Variants in FBN3 observed in about 807,000 individuals in gnomAD.
FBN3 encodes the protein fibrillin 3.
FBN3 carries 234 observed loss-of-function variants against 330.1 expected under a neutral mutation model. The ratio of observed to expected loss-of-function variants is 0.71; its 90% CI spans 0.64 to 0.79. The LOEUF (loss-of-function observed/expected upper bound fraction) is 0.79. Ranked by LOEUF, FBN3 falls within the 30% of genes least tolerant of loss-of-function variation. The pLI is 0.00. For synonymous variants in FBN3, 1,458 were observed against 1,517.3 expected, an observed-to-expected ratio of 0.96 and a Z score of 0.91; for missense variants, 3,606 against 3,886.9, an observed-to-expected ratio of 0.93 and a Z score of 1.92.
chr19:8,082,651 G>A lies in FBN3; in HGVS notation c.7213+596C>T, dbSNP rs149322751. Among the ~76,000 whole-genome samples, 548 of 152,004 alleles carry A rather than the reference G, an allele frequency of 3.6e-3. 4 individuals carry two copies. Among genetic ancestry groups the A allele is most frequent in the African/African-American group, 0.012 (512 of 41,460 alleles). On this transcript the variant is annotated intron_variant, in intron 57 of 63. Transcript: ENST00000600128. ...TGGGATTATAGGCATGCACCAGCAC[G>A]TGCAGCTAATTTTCGTATTTTTAGC...
In FBN3 at chr19:8,087,905, C is replaced by T. The variant is rs745383905; in HGVS notation, c.6539G>A (p.Arg2180His). Residue 2180 changes from arginine to histidine, a missense_variant, in exon 53 of 64, where the codon CGC becomes CAC. Physicochemically the swap from Arg to His is conservative, Grantham distance 29 (BLOSUM62 0). Coordinates refer to ENST00000600128, the MANE Select transcript of FBN3 (RefSeq NM_032447.5). The stretch of plus-strand genomic sequence containing the variant: ...GTAGGAGCCCTCGGTATTGTGGCAG[C>T]GGAAGGCACAGAGCAGCGGGTTCAG... ...CSLNPLLCAF[R>H]CHNTEGSYLC... is the part of the protein sequence containing the mutation. 1.2e-5 allele frequency: 19 copies of T among 1,613,956 alleles called. No individual in the cohort carries two copies. Among genetic ancestry groups the T allele is most frequent in the African/African-American group, 2.7e-5 (2 of 74,886 alleles).
rs112401378 is a variant in FBN3, at chr19:8,131,499, C to T, written c.1990+55G>A. 853 of 1,555,796 alleles carry T rather than the reference C, an allele frequency of 5.5e-4. 7 individuals are homozygous for T. In the South Asian group the frequency reaches 9.8e-3, roughly 18 times the overall value. On this transcript the variant is annotated intron_variant, in intron 15 of 63. Transcript: ENST00000600128. This position sits in a 1 kb window ranked among gnomAD's most constrained non-coding sequence, Gnocchi z 4.5. ...ATGACCCCCCACCAGAAGCGAGAAC[C>T]GATGGAGGCATTCAGACCAAGGAGG...
rs200438933 is a variant in FBN3, at chr19:8,143,993, AG to A, written c.541+883del. 7.0e-3 allele frequency among the ~76,000 whole-genome samples: 1,060 copies of A among 151,268 alleles called. 8 individuals are homozygous for A. Among genetic ancestry groups the A allele is most frequent in the African/African-American group, 0.025 (1,011 of 41,082 alleles). On this transcript the variant is annotated intron_variant, in intron 6 of 63. Transcript: ENST00000600128. ...GGCTAATTTTTTACTTTTTTTAGAGAGGGGGGGTGTCTCACTATGCTACCCA... is the reference window on the plus strand; with the variant it reads ...GGCTAATTTTTTACTTTTTTTAGAGAGGGGGGTGTCTCACTATGCTACCCA...
At chr19:8,134,673 C>T (rs1004387061) in intron 13 of FBN3, among the ~76,000 whole-genome samples, 1 of 152,152 alleles carries the variant, frequency 6.6e-6, no homozygotes, top group Non-Finnish European at 1.5e-5. Flanking sequence ...ATGGCTCACG[C>T]CTGTAATCTC....
intron 6 of FBN3, among the ~76,000 whole-genome samples, chr19:8,144,349 A>G (rs898456192): frequency 7.2e-5 from 11 of 151,982 alleles, no homozygotes; most frequent in African/African-American, 2.7e-4. Flanking sequence ...GTGAGCCGAG[A>G]TCATATCACT....
chr19:8,114,845 C>G (rs2082672105), intron 30 of FBN3, among the ~76,000 whole-genome samples: 1 of 151,750 alleles, frequency 6.6e-6, no homozygotes, highest in African/African-American at 2.4e-5. Flanking sequence ...GGGTTCACGC[C>G]ATTCTCCTGC....
At chr19:8,116,548 AC>A in intron 29 of FBN3, 125 bp downstream of exon 29, 1 of 993,174 alleles carries the variant, frequency 1.0e-6, no homozygotes, top group Non-Finnish European at 1.5e-6. Context: ...TCATCTTCCT[AC>A]CTGCGAATGG....
At position 8,121,156 on chromosome 19, in the gene FBN3, C is replaced by T. The variant is rs554687086; in HGVS notation, c.3211+102G>A. On this transcript the variant is annotated intron_variant, in intron 25 of 63. Transcript: ENST00000600128. The surrounding 1 kb of genome is among the most constrained non-coding windows in gnomAD (Gnocchi z 4.5). The stretch of plus-strand genomic sequence containing the variant: ...TACAGCTCCTCCCTCCTCCTGCCCC[C>T]TCCATCCACGTCCACACAGCAACAG... The T allele has an allele frequency of 2.6e-6, 3 of 1,166,950 alleles. No homozygotes were observed. Among genetic ancestry groups the T allele is most frequent in the African/African-American group, 3.1e-5 (2 of 64,560 alleles). The allele number at this position is 1,166,950 out of a possible 1,614,324, so 72.3% of individuals were successfully genotyped here.
intron 13 of FBN3, among the ~76,000 whole-genome samples, chr19:8,135,124 A>G (rs1426998687): frequency 1.4e-5 from 2 of 147,388 alleles, no homozygotes; most frequent in Non-Finnish European, 3.0e-5. Context: ...GACTACAGGC[A>G]CCTGCCACCA....
At chr19:8,092,154 G>A (rs2082110704) in intron 47 of FBN3, among the ~76,000 whole-genome samples, 1 of 151,010 alleles carries the variant, frequency 6.6e-6, no homozygotes, top group South Asian at 2.1e-4. Flanking sequence ...CTTGAGCCTG[G>A]GTGACAGAGC....
intron 57 of FBN3, among the ~76,000 whole-genome samples, chr19:8,082,308 C>CCT (rs145765478): frequency 1.3e-5 from 2 of 150,266 alleles, no homozygotes; most frequent in Admixed American, 6.6e-5. Flanking sequence ...TCTCTTTCTC[C>CCT]CTTTCTCTTT....
intron 8 of FBN3, among the ~76,000 whole-genome samples, chr19:8,139,452 C>T (rs971334443): frequency 5.9e-5 from 9 of 152,128 alleles, no homozygotes; most frequent in African/African-American, 2.2e-4. Flanking sequence ...AGGTAGTGAG[C>T]TCCCCGTCGC....
Position 8,081,380 on chromosome 19 carries a change from C to T in FBN3, c.7314G>A (p.Glu2438=). ...CACCTTTGCAGGTCCTGCCATCCTC[C>T]TCCAGCAGGTAGCCTCGGGGACAGC... is the stretch of plus-strand genomic sequence containing the variant. ...LCSCPRGYLL[E]EDGRTCKDLD... Residue 2438 remains glutamate, a synonymous_variant, in exon 58 of 64, where the codon GAG becomes GAA. Transcript: ENST00000600128. 2.5e-6 allele frequency: 4 copies of T among 1,609,192 alleles called. No homozygotes were observed. The highest frequency in any genetic ancestry group is 3.4e-6 in the Non-Finnish European group (4 of 1,177,598).
At chr19:8,118,786 C>T (rs1446379399) in intron 26 of FBN3, 111 bp downstream of exon 26, 4 of 1,367,180 alleles carry the variant, frequency 2.9e-6, no homozygotes, top group Non-Finnish European at 4.1e-6. Flanking sequence ...CTCAGAAAGA[C>T]AGATACACAT....
At chr19:8,105,258 T>C (rs1753873786) in intron 38 of FBN3, among the ~76,000 whole-genome samples, 1 of 151,314 alleles carries the variant, frequency 6.6e-6, no homozygotes, top group Admixed American at 6.6e-5. Flanking sequence ...CAGTCTTTTT[T>C]TTCTTTTTTT....
At chr19:8,133,530 A>G (rs1397584491) in intron 13 of FBN3, among the ~76,000 whole-genome samples, 2 of 151,868 alleles carry the variant, frequency 1.3e-5, no homozygotes, top group African/African-American at 4.8e-5. Context: ...AGCTCCCTGC[A>G]ACCTCCGCCT....
At chr19:8,090,048 G>C (rs932535104) in intron 49 of FBN3, 51 bp downstream of exon 49, 2 of 1,603,656 alleles carry the variant, frequency 1.2e-6, no homozygotes, top group Non-Finnish European at 8.5e-7. Flanking sequence ...GAATGAGAGA[G>C]GAAGGTGAGG....
intron 23 of FBN3, 22 bp from the exon 24 acceptor site, chr19:8,123,611 C>A: frequency 6.2e-7 from 1 of 1,613,178 alleles, no homozygotes; most frequent in East Asian, 2.2e-5. Context: ...GGGCATCAAA[C>A]CACCCTGACG....
At position 8,075,276 on chromosome 19, in the gene FBN3, G is replaced by A; in HGVS notation, c.7582+7C>T. ...AACACTAGACCCCAGCCAAAGCTGG[G>A]CTGTACCTTCACAGCCATGGCCTGA... is the stretch of plus-strand genomic sequence containing the variant. On this transcript the variant is annotated splice_region_variant and intron_variant, in intron 60 of 63. Coordinates refer to ENST00000600128, the MANE Select transcript of FBN3 (RefSeq NM_032447.5). 6.2e-7 allele frequency: 1 copy of A among 1,609,676 alleles called. No individual in the cohort carries two copies. The highest frequency in any genetic ancestry group is 8.5e-7 in the Non-Finnish European group (1 of 1,176,912).
Sources: allele counts gnomAD v4.1 joint callset (sites outside exome capture counted in the v4.1 genomes callset), GRCh38; gene constraint gnomAD v4.1.1; non-coding constraint Gnocchi (gnomAD v3.1); transcripts MANE v1.5; gene names NCBI Gene and HGNC (gene_info 2026-07-23, HGNC 2026-07-21).